The following ZNF562 variants were observed in gnomAD, a reference collection of about 807,000 sequenced individuals.
ZNF562 encodes the protein zinc finger protein 562.
In ZNF562, 13 loss-of-function variants were observed where a neutral mutation model predicts 17.5. That is an observed-to-expected ratio of 0.74 (90% confidence interval 0.48 to 1.18). The LOEUF (loss-of-function observed/expected upper bound fraction) is 1.18, where lower values mean the gene tolerates loss of function less well. Among genes scored for constraint, ZNF562 ranks in the 50% most tolerant of loss-of-function variants. ZNF562 has a pLI of 0.00. For missense variants in ZNF562, 481 were observed against 498.5 expected, an observed-to-expected ratio of 0.96 and a Z score of 0.33; for synonymous variants, 163 against 165.4, an observed-to-expected ratio of 0.99 and a Z score of 0.11.
At chr19:9,663,837 G>A (rs1395403144) in intron 1 of ZNF562, among the ~76,000 whole-genome samples, 2 of 151,478 alleles carry the variant, frequency 1.3e-5, no homozygotes, top group Admixed American at 6.6e-5. Context: ...GAGTAGCTGG[G>A]ACTCCCTAGT....
intron 1 of ZNF562, among the ~76,000 whole-genome samples, chr19:9,663,561 G>C (rs994364365): frequency 6.6e-6 from 1 of 151,892 alleles, no homozygotes; most frequent in South Asian, 2.1e-4. Context: ...GGTTGACTGT[G>C]TAGATGGGTT....
At chr19:9,674,890 G>A (rs1196708595) in intron 1 of ZNF562, 125 bp downstream of exon 1, 3 of 152,308 alleles carry the variant, frequency 2.0e-5, no homozygotes, top group Non-Finnish European at 2.9e-5. Context: ...GCACCAGGAG[G>A]ACTGACAGCC....
chr19:9,674,190 G>T (rs568486494), intron 1 of ZNF562, among the ~76,000 whole-genome samples: 2 of 152,256 alleles, frequency 1.3e-5, no homozygotes, highest in Admixed American at 6.5e-5. Context: ...TGAGTGGTTT[G>T]TTGGGGAAAA....
At chr19:9,657,188 G>A (rs1318471551) in intron 4 of ZNF562, among the ~76,000 whole-genome samples, 3 of 151,698 alleles carry the variant, frequency 2.0e-5, no homozygotes. Flanking sequence ...AACTGATGGG[G>A]AACAGGAAGA....
At chr19:9,663,918 T>C (rs559615547) in intron 1 of ZNF562, among the ~76,000 whole-genome samples, 22 of 150,600 alleles carry the variant, frequency 1.5e-4, no homozygotes, top group African/African-American at 5.4e-4. Flanking sequence ...TCCCAGCTAT[T>C]TTTTTTTTGT....
chr19:9,651,520 T>G lies in ZNF562; in HGVS notation c.*1429A>C, dbSNP rs1304135192. 1.3e-5 allele frequency: 2 copies of G among 152,230 alleles called. No homozygotes were observed. The highest frequency in any genetic ancestry group is 4.8e-5 in the African/African-American group (2 of 41,462). The allele number at this position is 152,230 out of a possible 1,614,324, so 9.4% of individuals were successfully genotyped here. The stretch of plus-strand genomic sequence containing the variant: ...CATAAACAAAATCTCTGCAGCACTG[T>G]GACATGCTCGTGATGGCTATGACGC... On this transcript the variant is annotated 3_prime_UTR_variant, in exon 6 of 6. Coordinates refer to ENST00000453372, the MANE Select transcript of ZNF562 (RefSeq NM_001130031.2).
At position 9,656,602 on chromosome 19, in the gene ZNF562, C is replaced by A. The variant is rs200723015; in HGVS notation, c.293G>T (p.Arg98Leu). Reference protein sequence around the residue: ...SEWEIQPRTKRSSLQQGFLKN... With the variant: ...SEWEIQPRTKLSSLQQGFLKN... ...CAAAAAACCCTGCTGAAGTGATGAC[C>A]GTTTGGTTCTAGGTTGTATTTCCCA... Residue 98 changes from arginine to leucine, a missense_variant, in exon 5 of 6, where the codon CGG (arginine) becomes CTG (leucine). This residue lies in a region of ZNF562 where 403 missense variants were observed against 386.4 expected (regional missense o/e 1.04). Transcript: ENST00000453372. 1.2e-6 allele frequency: 2 copies of A among 1,613,798 alleles called. 1 individual carries two copies. Among genetic ancestry groups the A allele is most frequent in the South Asian group, 2.2e-5 (2 of 91,080 alleles).
intron 4 of ZNF562, among the ~76,000 whole-genome samples, chr19:9,657,039 CA>C (rs1301187261): frequency 7.3e-4 from 83 of 113,576 alleles, no homozygotes; most frequent in Non-Finnish European, 8.4e-4. Flanking sequence ...GACTCCATCT[CA>C]AAAAAAAAAA....
At position 9,652,844 on chromosome 19, in the gene ZNF562, A is replaced by G; in HGVS notation, c.*105T>C. 2.8e-6 allele frequency: 3 copies of G among 1,077,526 alleles called. No individual in the cohort carries two copies. The highest frequency in any genetic ancestry group is 3.9e-6 in the Non-Finnish European group (3 of 772,184). The allele number at this position is 1,077,526 out of a possible 1,614,324, so 66.7% of individuals were successfully genotyped here. On this transcript the variant is annotated 3_prime_UTR_variant, in exon 6 of 6. Coordinates refer to ENST00000453372, the MANE Select transcript of ZNF562 (RefSeq NM_001130031.2). ...TTCATGCATACTTAGGCATGAGGAA[A>G]GAGCAAATGCTTTCCCAAATTCTTT...
At chr19:9,654,301 T>C (rs2043377911) in intron 5 of ZNF562, among the ~76,000 whole-genome samples, 1 of 152,012 alleles carries the variant, frequency 6.6e-6, no homozygotes, top group South Asian at 2.1e-4. Context: ...TGTTTTACTT[T>C]TTTCAGAGCT....
intron 1 of ZNF562, among the ~76,000 whole-genome samples, chr19:9,663,149 T>C (rs1393115229): frequency 6.7e-6 from 1 of 150,294 alleles, no homozygotes; most frequent in East Asian, 2.0e-4. Context: ...CTCACACCTG[T>C]AATCCCAGCA....
At chr19:9,657,657 C>T (rs2043559009) in intron 4 of ZNF562, among the ~76,000 whole-genome samples, 1 of 151,216 alleles carries the variant, frequency 6.6e-6, no homozygotes, top group Non-Finnish European at 1.5e-5. Flanking sequence ...AGCGATTCTA[C>T]TGCCTCAGCC....
intron 1 of ZNF562, among the ~76,000 whole-genome samples, chr19:9,661,926 A>T (rs1029635048): frequency 6.6e-6 from 1 of 152,012 alleles, no homozygotes; most frequent in African/African-American, 2.4e-5. Flanking sequence ...CACTGGATCT[A>T]ATTTTTTGCA....
Position 9,669,718 on chromosome 19 carries a change from G to GCA in ZNF562, c.-131+5296_-131+5297insTG, listed in dbSNP as rs2044084669. On this transcript the variant is annotated intron_variant, in intron 1 of 5. Coordinates refer to ENST00000453372, the MANE Select transcript of ZNF562 (RefSeq NM_001130031.2). ...GACCTGTCTGCATGCACGCGCGCGAGCGCGCGCGCGCGCGCGCACACACAC... is the reference window on the plus strand; with the variant it reads ...GACCTGTCTGCATGCACGCGCGCGAGCACGCGCGCGCGCGCGCGCACACACAC... 1.2e-4 allele frequency among the ~76,000 whole-genome samples: 8 copies of GCA among 67,266 alleles called. No individual in the cohort carries two copies. The East Asian group carries it at 1.3e-3, about 11-fold the overall frequency. 44.1% of individuals were successfully genotyped at this position (67,266 alleles called of 152,430 possible).
intron 5 of ZNF562, among the ~76,000 whole-genome samples, chr19:9,654,544 C>G (rs980874926): frequency 6.6e-6 from 1 of 152,110 alleles, no homozygotes; most frequent in Non-Finnish European, 1.5e-5. Context: ...TCACTGCAAC[C>G]TCCGCCTCCT....
chr19:9,661,748 CTG>C (rs1365142975), intron 1 of ZNF562, among the ~76,000 whole-genome samples: 2 of 152,042 alleles, frequency 1.3e-5, no homozygotes, highest in Admixed American at 6.6e-5. Flanking sequence ...TGAGCTGAGA[CTG>C]TGCCATCGCA....
rs1017022565 is a variant in ZNF562, at chr19:9,642,321, C to T, written c.*10628G>A. The stretch of plus-strand genomic sequence containing the variant: ...AAAAAAAAACAGGGTTTCACTCTGT[C>T]ACACAGGCTGAAGTATAGTGGCATT... On this transcript the variant is annotated 3_prime_UTR_variant, in exon 6 of 6. Coordinates refer to ENST00000453372, the MANE Select transcript of ZNF562 (RefSeq NM_001130031.2). 2.0e-5 allele frequency: 3 copies of T among 150,350 alleles called. No individual in the cohort carries two copies. The highest frequency in any genetic ancestry group is 2.0e-4 in the Admixed American group (3 of 15,098). The allele number at this position is 150,350 out of a possible 1,614,324, so 9.3% of individuals were successfully genotyped here. A position where few individuals can be genotyped will look rare whatever the true frequency, so the allele number is the denominator to read the frequency against.
intron 1 of ZNF562, among the ~76,000 whole-genome samples, chr19:9,670,623 G>C (rs896030477): frequency 2.6e-5 from 4 of 152,098 alleles, no homozygotes; most frequent in African/African-American, 9.7e-5. Flanking sequence ...CTAAAAAGTG[G>C]ATCTCATGAG....
At chr19:9,662,527 AC>A (rs1402269984) in intron 1 of ZNF562, among the ~76,000 whole-genome samples, 2 of 150,876 alleles carry the variant, frequency 1.3e-5, no homozygotes, top group African/African-American at 4.9e-5. Flanking sequence ...ATGCCACTGC[AC>A]TCCAGACTGG....
Sources: gnomAD v4.1 joint callset for allele counts (sites outside exome capture counted in the v4.1 genomes callset) on GRCh38, gnomAD v4.1.1 for gene constraint, gnomAD v4.1.1 regional missense constraint, MANE v1.5 for transcripts, NCBI Gene and HGNC (gene_info 2026-07-23, HGNC 2026-07-21) for gene names.